Variants in SNAP25 observed in about 807,000 individuals in gnomAD.
SNAP25 encodes synaptosomal-associated protein 25.
SNAP25 carries 3 observed loss-of-function variants against 28.7 expected under a neutral mutation model. The ratio of observed to expected loss-of-function variants is 0.10; its 90% CI spans 0.05 to 0.27. The LOEUF (loss-of-function observed/expected upper bound fraction) is 0.27, where lower values mean the gene tolerates loss of function less well. Among genes scored for constraint, SNAP25 ranks in the 10% least tolerant of loss-of-function variants. The probability of loss-of-function intolerance (pLI) is 1.00; values close to 1 mark genes in which losing one functional copy is unlikely to be tolerated. For missense variants in SNAP25, 117 were observed against 278.7 expected (o/e 0.42, Z 4.13); for synonymous variants, 61 against 88.1 (o/e 0.69, Z 1.72).
chr20:10,289,588 A>G (rs981204914), intron 4 of SNAP25, among the ~76,000 whole-genome samples: 1 of 151,624 alleles, frequency 6.6e-6, no homozygotes, highest in South Asian at 2.1e-4. Flanking sequence ...CTAAGGCTGT[A>G]CTTAGTCATG....
chr20:10,274,430 A>C (rs958980664), intron 1 of SNAP25, among the ~76,000 whole-genome samples: 7 of 152,218 alleles, frequency 4.6e-5, no homozygotes, highest in Non-Finnish European at 7.3e-5. Flanking sequence ...TACATGCTGC[A>C]ACATAGATAA....
chr20:10,269,133 C>T (rs1471760402), intron 1 of SNAP25, among the ~76,000 whole-genome samples: 4 of 152,072 alleles, frequency 2.6e-5, no homozygotes, highest in African/African-American at 4.8e-5. Context: ...TCCAGAAGTC[C>T]GGCGCAGTGT....
intron 1 of SNAP25, among the ~76,000 whole-genome samples, chr20:10,274,744 G>A (rs1479489620): frequency 6.6e-6 from 1 of 152,162 alleles, no homozygotes. Context: ...TCGGGAGGCT[G>A]AGGCAGGAGA....
intron 2 of SNAP25, among the ~76,000 whole-genome samples, chr20:10,277,233 T>C (rs1374327977): frequency 1.3e-5 from 2 of 152,210 alleles, no homozygotes; most frequent in Non-Finnish European, 1.5e-5. Context: ...GATAAGAACT[T>C]CCAATTGTGT....
chr20:10,258,625 A>G (rs2063360666), intron 1 of SNAP25, among the ~76,000 whole-genome samples: 1 of 152,230 alleles, frequency 6.6e-6, no homozygotes, highest in South Asian at 2.1e-4. Context: ...AATCCACTCC[A>G]TGATAATGAT....
At chr20:10,219,115 A>G (rs1463447545) in intron 1 of SNAP25, 138 bp downstream of exon 1, 1 of 152,202 alleles carries the variant, frequency 6.6e-6, no homozygotes, top group Non-Finnish European at 1.5e-5. Flanking sequence ...CCGTGTGTGC[A>G]CGTCTGGTGG....
intron 1 of SNAP25, among the ~76,000 whole-genome samples, chr20:10,235,787 G>A (rs2062907378): frequency 6.6e-6 from 1 of 152,188 alleles, no homozygotes; most frequent in Non-Finnish European, 1.5e-5. Flanking sequence ...GGGCATCAGG[G>A]GCTGGACCAC....
At chr20:10,237,592 T>C (rs940432031) in intron 1 of SNAP25, among the ~76,000 whole-genome samples, 2 of 152,216 alleles carry the variant, frequency 1.3e-5, no homozygotes, top group Admixed American at 1.3e-4. Context: ...ATTTATTCAC[T>C]GGGTCCCTAG....
At chr20:10,256,156 G>A (rs1422170310) in intron 1 of SNAP25, among the ~76,000 whole-genome samples, 1 of 152,138 alleles carries the variant, frequency 6.6e-6, no homozygotes, top group African/African-American at 2.4e-5. Flanking sequence ...TCAGAGCTAG[G>A]TATCTCTAAG....
At chr20:10,284,846 G>T in intron 4 of SNAP25, 74 bp downstream of exon 4, 13 of 1,189,222 alleles carry the variant, frequency 1.1e-5, no homozygotes, top group Non-Finnish European at 1.6e-5. Flanking sequence ...TTGTGCATAC[G>T]CAGATGGTCG....
intron 1 of SNAP25, among the ~76,000 whole-genome samples, chr20:10,235,534 C>CA (rs1205795554): frequency 6.6e-6 from 1 of 152,162 alleles, no homozygotes; most frequent in Non-Finnish European, 1.5e-5. Flanking sequence ...GAAAACTAGT[C>CA]AAGTAGAGGG....
chr20:10,245,112 A>G (rs558541674), intron 1 of SNAP25, among the ~76,000 whole-genome samples: 64 of 152,272 alleles, frequency 4.2e-4, no homozygotes, highest in African/African-American at 1.4e-3. Context: ...AGGTGTTTGG[A>G]AAGATTGCTA....
intron 1 of SNAP25, among the ~76,000 whole-genome samples, chr20:10,271,124 A>G (rs1484517548): frequency 6.6e-6 from 1 of 152,190 alleles, no homozygotes; most frequent in African/African-American, 2.4e-5. Context: ...CTGCTCTGCA[A>G]CACACAAGAT....
intron 1 of SNAP25, among the ~76,000 whole-genome samples, chr20:10,241,493 T>G (rs2063032745): frequency 6.6e-6 from 1 of 152,002 alleles, no homozygotes; most frequent in Non-Finnish European, 1.5e-5. Flanking sequence ...TGATTAAATT[T>G]TAATGGGAAG....
chr20:10,292,959 T>C (rs764112516), intron 4 of SNAP25: 13 of 1,613,574 alleles, frequency 8.1e-6, no homozygotes, highest in Non-Finnish European at 1.1e-5. Flanking sequence ...TTTAAAAGAT[T>C]TAGGGAAATG....
At chr20:10,229,385 C>T (rs983794738) in intron 1 of SNAP25, among the ~76,000 whole-genome samples, 2 of 152,052 alleles carry the variant, frequency 1.3e-5, no homozygotes, top group South Asian at 4.1e-4. Flanking sequence ...GCCTTGAATA[C>T]AAAATTCCTA....
chr20:10,291,919 A>T (rs979026125), intron 4 of SNAP25, among the ~76,000 whole-genome samples: 7 of 152,224 alleles, frequency 4.6e-5, no homozygotes, highest in Non-Finnish European at 7.3e-5. Context: ...ACTTGTAGTT[A>T]TCTCAATTTG....
At chr20:10,298,197 A>G (rs1399655924) in intron 6 of SNAP25, among the ~76,000 whole-genome samples, 3 of 151,132 alleles carry the variant, frequency 2.0e-5, no homozygotes, top group Non-Finnish European at 4.4e-5. Context: ...CCTGTGGCCC[A>G]TTAAAGCTCC....
At chr20:10,241,975 A>G (rs2063042001) in intron 1 of SNAP25, among the ~76,000 whole-genome samples, 1 of 152,134 alleles carries the variant, frequency 6.6e-6, no homozygotes, top group Admixed American at 6.5e-5. Context: ...GAGTATGACT[A>G]TGGGTGAAGC....
Sources: allele counts gnomAD v4.1 joint callset (sites outside exome capture counted in the v4.1 genomes callset), GRCh38; gene constraint gnomAD v4.1.1; transcripts MANE v1.5; gene names NCBI Gene and HGNC (gene_info 2026-07-23, HGNC 2026-07-21).